SERPINB10: variants seen among roughly 807,000 people sequenced by gnomAD.
The protein encoded by SERPINB10 is serpin family B member 10.
Under a neutral mutation model 39.1 loss-of-function variants are expected in SERPINB10, and 35 were observed. The ratio of observed to expected loss-of-function variants is 0.90; its 90% CI spans 0.68 to 1.19. SERPINB10 has a LOEUF of 1.19. SERPINB10 is among the 50% of genes most tolerant of loss of function. The pLI is 0.00. For synonymous variants in SERPINB10, 190 were observed against 158.1 expected, an observed-to-expected ratio of 1.20 and a Z score of -1.52; for missense variants, 546 against 460.5, an observed-to-expected ratio of 1.19 and a Z score of -1.70.
intron 2 of SERPINB10, 150 bp from the exon 3 acceptor site, chr18:63,917,306 A>G (rs1568244434): frequency 2.4e-6 from 1 of 421,904 alleles, no homozygotes; most frequent in Non-Finnish European, 4.3e-6. Context: ...TTATTTTATT[A>G]CACACATTAA....
At chr18:63,920,946 T>C (rs2050142456) in intron 5 of SERPINB10, among the ~76,000 whole-genome samples, 1 of 151,992 alleles carries the variant, frequency 6.6e-6, no homozygotes, top group African/African-American at 2.4e-5. Context: ...ATCCTTATTT[T>C]AGAAATAAGG....
rs888838316 is a variant in SERPINB10 at position 63,927,143 on chromosome 18, G to A, written c.491-2902G>A. Among the ~76,000 whole-genome samples the A allele has an allele frequency of 5.9e-5, 9 of 151,550 alleles. No homozygotes were observed. The East Asian group carries it at 7.8e-4, about 13-fold the overall frequency. ...TATTTTGAGAAAAATGTTAAATAAC[G>A]GTAGTCATAGCAGGCCATAAATACC... On this transcript the variant is annotated intron_variant, in intron 5 of 7. Coordinates refer to ENST00000238508, the MANE Select transcript of SERPINB10 (RefSeq NM_005024.3).
chr18:63,914,950 A>G (rs886088659), intron 1 of SERPINB10, among the ~76,000 whole-genome samples: 9 of 152,178 alleles, frequency 5.9e-5, no homozygotes, highest in Non-Finnish European at 1.0e-4. Context: ...TAACTTCTCA[A>G]TTTCTCTACA....
In SERPINB10 at chr18:63,918,092, C is replaced by T; in HGVS notation, c.362C>T (p.Ala121Val). 4 of 1,612,088 alleles carry T rather than the reference C, an allele frequency of 2.5e-6. No homozygotes were observed. Among genetic ancestry groups the T allele is most frequent in the Non-Finnish European group, 3.4e-6 (4 of 1,178,872 alleles). ...ANAIYGEKTY[A>V]FHNKYLEDMK... ...GCGATATATGGAGAGAAAACGTATG[C>T]ATTTCACAATGTAAGTGCAAATGTC... The change falls in exon 4 of 8, where the codon GCA becomes GTA. Residue 121 changes from alanine (A) to valine (V), a missense_variant. Physicochemically the swap from Ala to Val is moderately conservative, Grantham distance 64. Coordinates refer to ENST00000238508, the MANE Select transcript of SERPINB10 (RefSeq NM_005024.3).
chr18:63,918,133 G>A, intron 4 of SERPINB10, 31 bp downstream of exon 4: 3 of 1,608,294 alleles, frequency 1.9e-6, no homozygotes, highest in Non-Finnish European at 1.7e-6. Context: ...TTAAGCTAAT[G>A]GAAAAGAAAG....
intron 1 of SERPINB10, among the ~76,000 whole-genome samples, chr18:63,914,069 G>T (rs989754741): frequency 6.6e-6 from 1 of 152,050 alleles, no homozygotes; most frequent in African/African-American, 2.4e-5. Context: ...TGTTGTATCT[G>T]ATATAAGAAT....
At chr18:63,931,815 G>C (rs911398515) in intron 6 of SERPINB10, among the ~76,000 whole-genome samples, 1 of 152,098 alleles carries the variant, frequency 6.6e-6, no homozygotes, top group Non-Finnish European at 1.5e-5. Context: ...ATGTCGTACT[G>C]TTCTATGGAT....
At chr18:63,911,110 A>G (rs2050061201) in intron 1 of SERPINB10, among the ~76,000 whole-genome samples, 1 of 151,978 alleles carries the variant, frequency 6.6e-6, no homozygotes, top group Non-Finnish European at 1.5e-5. Context: ...GTGTCTGTTC[A>G]TGTCCTTTGG....
At chr18:63,926,968 G>A (rs998630570) in intron 5 of SERPINB10, among the ~76,000 whole-genome samples, 4 of 151,874 alleles carry the variant, frequency 2.6e-5, no homozygotes, top group Admixed American at 2.6e-4. Flanking sequence ...ATAATTTTTA[G>A]CGTAATAGTG....
intron 1 of SERPINB10, among the ~76,000 whole-genome samples, chr18:63,912,120 G>C (rs1400247116): frequency 6.6e-6 from 1 of 151,904 alleles, no homozygotes. Flanking sequence ...ACTGATTTTT[G>C]TACGTCGATT....
intron 4 of SERPINB10, 134 bp downstream of exon 4, chr18:63,918,236 T>G (rs1312493704): frequency 1.2e-6 from 1 of 834,528 alleles, no homozygotes; most frequent in Non-Finnish European, 1.9e-6. Flanking sequence ...AAACAATCAA[T>G]TAGACCAACC....
intron 5 of SERPINB10, among the ~76,000 whole-genome samples, chr18:63,928,486 T>A (rs1341953550): frequency 2.6e-5 from 4 of 152,092 alleles, no homozygotes; most frequent in Non-Finnish European, 5.9e-5. Context: ...CACACAGCAA[T>A]ATTTTGGGCA....
At chr18:63,919,486 T>C (rs1255195919) in intron 4 of SERPINB10, among the ~76,000 whole-genome samples, 5 of 151,956 alleles carry the variant, frequency 3.3e-5, no homozygotes, top group African/African-American at 1.2e-4. Flanking sequence ...CTTTCCATTC[T>C]AGCCTCATTT....
At chr18:63,910,174 G>A (rs745671727) in intron 1 of SERPINB10, among the ~76,000 whole-genome samples, 16 of 151,986 alleles carry the variant, frequency 1.1e-4, no homozygotes, top group Non-Finnish European at 2.2e-4. Flanking sequence ...AATTCCTGAC[G>A]TTTTCCAAAG....
chr18:63,930,442 T>A (rs1385833183), intron 6 of SERPINB10, among the ~76,000 whole-genome samples: 1 of 152,072 alleles, frequency 6.6e-6, no homozygotes, highest in African/African-American at 2.4e-5. Context: ...CATATTTATT[T>A]CCTAGGTGAG....
intron 7 of SERPINB10, among the ~76,000 whole-genome samples, chr18:63,933,817 C>T (rs536232136): frequency 2.7e-4 from 41 of 152,304 alleles, no homozygotes; most frequent in African/African-American, 9.6e-4. Flanking sequence ...ATTTGCATGC[C>T]TAAACTGAAC....
intron 1 of SERPINB10, among the ~76,000 whole-genome samples, chr18:63,913,626 C>T (rs1038448167): frequency 5.3e-5 from 8 of 152,014 alleles, no homozygotes; most frequent in Non-Finnish European, 8.8e-5. Context: ...GCACTGTGGT[C>T]TGAGAGTATA....
intron 1 of SERPINB10, among the ~76,000 whole-genome samples, chr18:63,910,512 G>A (rs1002495549): frequency 1.1e-4 from 17 of 151,932 alleles, no homozygotes; most frequent in African/African-American, 3.9e-4. Flanking sequence ...TTAAGTCTAT[G>A]AGTACCCAAT....
chr18:63,932,239 G>T (rs1440908816), intron 6 of SERPINB10, among the ~76,000 whole-genome samples: 1 of 152,096 alleles, frequency 6.6e-6, no homozygotes, highest in Non-Finnish European at 1.5e-5. Context: ...TTTTTCTGTG[G>T]ACACTGTTTT....
Sources: allele counts gnomAD v4.1 joint callset (sites outside exome capture counted in the v4.1 genomes callset), GRCh38; gene constraint gnomAD v4.1.1; transcripts MANE v1.5; gene names NCBI Gene and HGNC (gene_info 2026-07-23, HGNC 2026-07-21).